Variants in IMPG2 observed in about 807,000 individuals in gnomAD.
IMPG2 encodes the protein IPM 200.
IMPG2 carries 91 observed loss-of-function variants against 129.2 expected under a neutral mutation model. The observed-to-expected ratio is 0.70, with a 90% CI of 0.59 to 0.84. IMPG2 has a LOEUF of 0.84. Ranked by LOEUF, IMPG2 falls within the 40% of genes least tolerant of loss-of-function variation. The pLI is 0.00. For synonymous variants in IMPG2, 510 were observed against 517.7 expected, an observed-to-expected ratio of 0.99 and a Z score of 0.20; for missense variants, 1,430 against 1,461.7, an observed-to-expected ratio of 0.98 and a Z score of 0.35.
intron 7 of IMPG2, among the ~76,000 whole-genome samples, chr3:101,272,901 CAG>C (rs1304403710): frequency 6.6e-6 from 1 of 152,134 alleles, no homozygotes; most frequent in Admixed American, 6.5e-5. Context: ...ATCTGACAGA[CAG>C]GGGTAGATAA....
intron 17 of IMPG2, 67 bp downstream of exon 17, chr3:101,229,313 A>ACCCCCCC: frequency 2.5e-6 from 1 of 401,342 alleles, no homozygotes; most frequent in African/African-American, 3.2e-5. Flanking sequence ...CCCACCCACC[A>ACCCCCCC]CCCCCTGCTC....
chr3:101,258,275 T>C (rs1275742329), intron 9 of IMPG2, among the ~76,000 whole-genome samples: 1 of 152,152 alleles, frequency 6.6e-6, no homozygotes, highest in African/African-American at 2.4e-5. Flanking sequence ...AGCAAATTGA[T>C]GATTATTTTC....
At chr3:101,313,177 A>G (rs142330908) in intron 2 of IMPG2, among the ~76,000 whole-genome samples, 12 of 152,258 alleles carry the variant, frequency 7.9e-5, no homozygotes, top group East Asian at 1.9e-4. Flanking sequence ...TGGCTTTTCA[A>G]TTAGGAGCTA....
intron 5 of IMPG2, among the ~76,000 whole-genome samples, chr3:101,276,246 T>C (rs999217703): frequency 6.6e-6 from 1 of 152,170 alleles, no homozygotes; most frequent in Non-Finnish European, 1.5e-5. Context: ...ACAAGAAATA[T>C]ACTGGGCAAA....
chr3:101,292,684 G>A (rs552072307), intron 3 of IMPG2, among the ~76,000 whole-genome samples: 4 of 152,212 alleles, frequency 2.6e-5, no homozygotes, highest in East Asian at 3.9e-4. Context: ...TTTCTTTCAC[G>A]AAAGAGTTCC....
At chr3:101,286,941 T>C (rs1015908304) in intron 4 of IMPG2, among the ~76,000 whole-genome samples, 2 of 152,192 alleles carry the variant, frequency 1.3e-5, no homozygotes, top group Non-Finnish European at 2.9e-5. Context: ...TTTCCCCTCC[T>C]TCTCTAATCA....
In IMPG2 at chr3:101,244,023, T is replaced by A. The variant is rs551047357; in HGVS notation, c.2308A>T (p.Met770Leu). 1 of 1,614,204 alleles carries A rather than the reference T, an allele frequency of 6.2e-7. No homozygotes were observed. The highest frequency in any genetic ancestry group is 1.1e-5 in the South Asian group (1 of 91,092). The change falls in exon 13 of 19, where the codon ATG becomes TTG. Residue 770 changes from methionine to leucine, a missense_variant. Met to Leu is a conservative substitution (Grantham distance 15). Coordinates refer to ENST00000193391, the MANE Select transcript of IMPG2 (RefSeq NM_016247.4). ...DSEVSMVKPDMQTLWTILPES... is the reference protein window; with the variant it reads ...DSEVSMVKPDLQTLWTILPES... ...GGCAATATAGTCCACAAAGTTTGCA[T>A]ATCTGGCTTTACCATTGAAACCTCA...
chr3:101,308,607 C>T (rs2107140668), intron 2 of IMPG2, among the ~76,000 whole-genome samples: 1 of 152,306 alleles, frequency 6.6e-6, no homozygotes, highest in South Asian at 2.1e-4. Context: ...GCCATTTTTT[C>T]TTTCTAGGCC....
intron 2 of IMPG2, among the ~76,000 whole-genome samples, chr3:101,315,632 GGAAAATCTGAAACC>G: frequency 6.6e-6 from 1 of 152,002 alleles, no homozygotes; most frequent in African/African-American, 2.4e-5. Context: ...CACAAATCCA[GGAAAATCTGAAACC>G]CACAACACTT....
rs752803606 is a variant in IMPG2 at position 101,276,646 on chromosome 3, G to A, written c.583+18C>T. On this transcript the variant is annotated intron_variant, in intron 5 of 18. Coordinates refer to ENST00000193391, the MANE Select transcript of IMPG2 (RefSeq NM_016247.4). ...AAATAATTTTAAAAGAAAAGTGAAT[G>A]AAGACACAAAAGTATACCTCCCAAT... The A allele has an allele frequency of 1.3e-6, 2 of 1,557,116 alleles. No homozygotes were observed. The highest frequency in any genetic ancestry group is 3.3e-5 in the Admixed American group (2 of 59,858).
At chr3:101,246,664 A>G (rs5028317) in intron 11 of IMPG2, among the ~76,000 whole-genome samples, 2,286 of 152,356 alleles carry the variant, frequency 0.015, 58 homozygotes, top group South Asian at 0.079. Context: ...CTTAGGAAAC[A>G]TTAACAATTT....
chr3:101,239,642 T>A (rs981709060), intron 14 of IMPG2, among the ~76,000 whole-genome samples: 2 of 152,184 alleles, frequency 1.3e-5, no homozygotes, highest in South Asian at 4.1e-4. Context: ...GCGGCACTAT[T>A]CACAATAGCA....
intron 4 of IMPG2, among the ~76,000 whole-genome samples, chr3:101,285,304 C>A (rs1261570403): frequency 1.3e-5 from 2 of 152,098 alleles, no homozygotes; most frequent in African/African-American, 4.8e-5. Context: ...TGCGCTAGGC[C>A]ACATCCCTGA....
intron 9 of IMPG2, among the ~76,000 whole-genome samples, chr3:101,266,805 C>CT (rs1480937223): frequency 6.6e-6 from 1 of 152,094 alleles, no homozygotes; most frequent in Admixed American, 6.6e-5. Flanking sequence ...TCCAAGTTTC[C>CT]TTTTTTAATC....
chr3:101,242,679 AT>A lies in IMPG2; in HGVS notation c.3022+8del, dbSNP rs1559642306. The A allele has an allele frequency of 6.3e-7, 1 of 1,587,758 alleles. No homozygotes were observed. The highest frequency in any genetic ancestry group is 1.3e-5 in the African/African-American group (1 of 74,580). On this transcript the variant is annotated splice_region_variant and intron_variant, in intron 14 of 18. Coordinates refer to ENST00000193391, the MANE Select transcript of IMPG2 (RefSeq NM_016247.4). ...TACTAAGAAACCACCATGCTAGGCA[AT>A]ATCATACCTGATTCCACATCAAGAG... is the stretch of plus-strand genomic sequence containing the variant.
intron 4 of IMPG2, among the ~76,000 whole-genome samples, chr3:101,282,268 T>C (rs971329686): frequency 5.3e-5 from 8 of 152,110 alleles, no homozygotes; most frequent in African/African-American, 1.4e-4. Context: ...CGGAGAAAGA[T>C]AGGCTGAGTA....
At chr3:101,236,533 G>C (rs896612411) in intron 14 of IMPG2, among the ~76,000 whole-genome samples, 1 of 152,126 alleles carries the variant, frequency 6.6e-6, no homozygotes, top group Non-Finnish European at 1.5e-5. Flanking sequence ...TTGGACAGTG[G>C]GTGCAGCCCA....
In IMPG2 at chr3:101,229,385, T is replaced by G; in HGVS notation, c.3628A>C (p.Arg1210=). Residue 1210 remains arginine (R), a synonymous_variant, in exon 17 of 19, where the codon AGA becomes CGA. Coordinates refer to ENST00000193391, the MANE Select transcript of IMPG2 (RefSeq NM_016247.4). ...ATAAATGCAAAGTTTCCCACCTCTC[T>G]GGAAAGCTCACTGCTCTCATACATC... ...RQMYESSELS[R]EEIQERMRVL... 7.1e-7 allele frequency: 1 copy of G among 1,416,642 alleles called. No homozygotes were observed. The highest frequency in any genetic ancestry group is 9.5e-7 in the Non-Finnish European group (1 of 1,057,358). The allele number at this position is 1,416,642 out of a possible 1,614,324, so 87.8% of individuals were successfully genotyped here.
chr3:101,295,606 G>A (rs1367235134), intron 3 of IMPG2, among the ~76,000 whole-genome samples: 1 of 152,140 alleles, frequency 6.6e-6, no homozygotes, highest in African/African-American at 2.4e-5. Context: ...AATGTCAATG[G>A]TAGTTTGATG....
Sources: allele counts gnomAD v4.1 joint callset (sites outside exome capture counted in the v4.1 genomes callset), GRCh38; gene constraint gnomAD v4.1.1; transcripts MANE v1.5; gene names NCBI Gene and HGNC (gene_info 2026-07-23, HGNC 2026-07-21).